AMBRA1: variants seen among roughly 807,000 people sequenced by gnomAD.
AMBRA1 encodes the protein activating molecule in BECN1-regulated autophagy protein 1.
Under a neutral mutation model 125.4 loss-of-function variants are expected in AMBRA1, and 47 were observed. The observed-to-expected ratio is 0.37, with a 90% CI of 0.30 to 0.48. The LOEUF (loss-of-function observed/expected upper bound fraction) is 0.48, where lower values mean the gene tolerates loss of function less well. AMBRA1 is among the 20% of genes least tolerant of loss of function. The pLI, the probability that AMBRA1 is intolerant of heterozygous loss-of-function variation, is 0.99. For missense variants in AMBRA1, 1,331 were observed against 1,693.4 expected (o/e 0.79, Z 3.76); for synonymous variants, 626 against 655.5 (o/e 0.95, Z 0.69).
intron 11 of AMBRA1, among the ~76,000 whole-genome samples, chr11:46,461,994 G>A (rs1276463268): frequency 2.0e-5 from 3 of 152,040 alleles, no homozygotes; most frequent in Non-Finnish European, 4.4e-5. Context: ...CTTCCTCCCT[G>A]CCCTAGTCAA....
Position 46,490,706 on chromosome 11 carries a change from T to C in AMBRA1, c.2521+2902A>G, listed in dbSNP as rs551879162. Among the ~76,000 whole-genome samples the C allele has an allele frequency of 6.6e-5, 10 of 152,292 alleles. No homozygotes were observed. The East Asian group carries it at 1.9e-3, about 29-fold the overall frequency. On this transcript the variant is annotated intron_variant, in intron 11 of 17. Transcript: ENST00000683756. ...CATCCCTGCAAAAAGCCATTCACCA[T>C]GCAAAAGTTCCACTTATGTCTGGAG...
At chr11:46,526,296 G>T (rs1316739572) in intron 7 of AMBRA1, among the ~76,000 whole-genome samples, 5 of 151,920 alleles carry the variant, frequency 3.3e-5, no homozygotes, top group Non-Finnish European at 5.9e-5. Context: ...TGGCTCCAAA[G>T]AAATATCCTC....
intron 9 of AMBRA1, among the ~76,000 whole-genome samples, chr11:46,500,074 G>A (rs754307378): frequency 1.5e-4 from 23 of 152,280 alleles, no homozygotes; most frequent in Admixed American, 7.2e-4. Context: ...GGATGGGAAA[G>A]GGGCCGGCTC....
rs1473555913 is a variant in AMBRA1, at chr11:46,397,812, C to T, written c.3535G>A (p.Gly1179Ser). The stretch of plus-strand genomic sequence containing the variant: ...CGGTGGCTGACGATGATGTTGTTGC[C>T]GAAGCCGCCCATGGAGGCCATGGTG... Reference protein sequence around the residue: ...STTMASMGGFGNNIIVSHRIH... With the variant: ...STTMASMGGFSNNIIVSHRIH... Residue 1179 changes from glycine to serine, a missense_variant, in exon 18 of 18, where the codon GGC becomes AGC. Gly to Ser is a moderately conservative substitution (Grantham distance 56, BLOSUM62 0). Coordinates refer to ENST00000683756, the MANE Select transcript of AMBRA1 (RefSeq NM_001387011.1). The T allele has an allele frequency of 2.5e-6, 4 of 1,606,940 alleles. No homozygotes were observed. Among genetic ancestry groups the T allele is most frequent in the Non-Finnish European group, 3.4e-6 (4 of 1,179,982 alleles).
chr11:46,593,889 G>A lies in AMBRA1; in HGVS notation c.-182C>T. ...GAACGGGCTGAGCCACAGGGAAAAA[G>A]AAAGAGGAGACAGGAATAAAGGAAG... On this transcript the variant is annotated 5_prime_UTR_variant, in exon 1 of 18. Coordinates refer to ENST00000683756, the MANE Select transcript of AMBRA1 (RefSeq NM_001387011.1). 1 of 398,422 alleles carries A rather than the reference G, an allele frequency of 2.5e-6. No homozygotes were observed. The highest frequency in any genetic ancestry group is 4.4e-6 in the Non-Finnish European group (1 of 226,088). The allele number at this position is 398,422 out of a possible 1,614,324, so 24.7% of individuals were successfully genotyped here. A position where few individuals can be genotyped will look rare whatever the true frequency, so the allele number is the denominator to read the frequency against.
At chr11:46,582,558 T>C (rs1024062449) in intron 1 of AMBRA1, among the ~76,000 whole-genome samples, 2 of 152,154 alleles carry the variant, frequency 1.3e-5, no homozygotes, top group African/African-American at 2.4e-5. Context: ...TTAAAGTGTT[T>C]AGTAGTTAAG....
intron 14 of AMBRA1, among the ~76,000 whole-genome samples, chr11:46,427,190 T>C (rs1461099351): frequency 1.3e-5 from 2 of 152,172 alleles, no homozygotes; most frequent in Non-Finnish European, 2.9e-5. Flanking sequence ...GTTATATAAA[T>C]TCTGGTCAGT....
Position 46,542,976 on chromosome 11 carries a change from C to G in AMBRA1, c.1041G>C (p.Glu347Asp). The G allele has an allele frequency of 6.2e-7, 1 of 1,603,468 alleles. No individual in the cohort carries two copies. The highest frequency in any genetic ancestry group is 8.5e-7 in the Non-Finnish European group (1 of 1,179,932). ...AGGCCTGCTCCGGGGGATGGAAGGG[C>G]TCGGTCTGTACAAAAGAAAAGGAAG... ...TTPSFSFVQT[E>D]PFHPPEQASS... Residue 347 changes from glutamate to aspartate, a missense_variant, in exon 7 of 18, where the codon GAG becomes GAC. Glu to Asp is a conservative substitution (Grantham distance 45). Coordinates refer to ENST00000683756, the MANE Select transcript of AMBRA1 (RefSeq NM_001387011.1). The surrounding 1 kb of genome is among the most constrained non-coding windows in gnomAD (Gnocchi z 5.9).
chr11:46,408,011 C>A (rs1037557025), intron 17 of AMBRA1, among the ~76,000 whole-genome samples: 1 of 152,188 alleles, frequency 6.6e-6, no homozygotes, highest in African/African-American at 2.4e-5. Flanking sequence ...GGCAGAGCCA[C>A]ACCTGAAATA....
intron 11 of AMBRA1, among the ~76,000 whole-genome samples, chr11:46,473,190 C>T (rs1949673498): frequency 1.3e-5 from 2 of 152,266 alleles, no homozygotes; most frequent in African/African-American, 4.8e-5. Flanking sequence ...ACAAGTAGTG[C>T]CAAAGGCACT....
At chr11:46,452,177 A>G (rs1948635119) in intron 11 of AMBRA1, among the ~76,000 whole-genome samples, 1 of 152,196 alleles carries the variant, frequency 6.6e-6, no homozygotes, top group African/African-American at 2.4e-5. Flanking sequence ...TTTGTGAAGT[A>G]AAAAATGGTA....
At position 46,538,699 on chromosome 11, in the gene AMBRA1, T is replaced by C. The variant is rs11822248; in HGVS notation, c.2072+3246A>G. Among the ~76,000 whole-genome samples the C allele has an allele frequency of 3.4e-3, 525 of 152,276 alleles. 3 individuals are homozygous for C. The highest frequency in any genetic ancestry group is 0.012 in the African/African-American group (508 of 41,564). The stretch of plus-strand genomic sequence containing the variant: ...TTTTAATAGAGACGCGGTTTTACCA[T>C]GTTAGCCAGGCTGGTCTCGAACTCC... On this transcript the variant is annotated intron_variant, in intron 7 of 17. Coordinates refer to ENST00000683756, the MANE Select transcript of AMBRA1 (RefSeq NM_001387011.1).
intron 1 of AMBRA1, among the ~76,000 whole-genome samples, chr11:46,551,374 G>A (rs1172155101): frequency 1.3e-5 from 2 of 152,058 alleles, no homozygotes; most frequent in Non-Finnish European, 1.5e-5. Context: ...GTGCGATGGT[G>A]CAATCATGGC....
In AMBRA1 at chr11:46,543,070, C is replaced by T; in HGVS notation, c.947G>A (p.Gly316Asp). The T allele has an allele frequency of 6.3e-7, 1 of 1,596,946 alleles. No homozygotes were observed. Among genetic ancestry groups the T allele is most frequent in the Non-Finnish European group, 8.5e-7 (1 of 1,178,788 alleles). Residue 316 changes from glycine (G) to aspartate (D), a missense_variant, in exon 7 of 18, where the codon GGC (glycine) becomes GAC (aspartate). Gly to Asp is a moderately conservative substitution (Grantham distance 94). Coordinates refer to ENST00000683756, the MANE Select transcript of AMBRA1 (RefSeq NM_001387011.1). The stretch of plus-strand genomic sequence containing the variant: ...TGGCAAGAGGGAAGGAACTCGAGTG[C>T]CAGAGCAGCGGCTGCAAAGGCACAG... ...GILCLCSRCSGTRVPSLLPHQ... is the reference protein window; with the variant it reads ...GILCLCSRCSDTRVPSLLPHQ...
intron 7 of AMBRA1, among the ~76,000 whole-genome samples, chr11:46,532,801 A>C (rs2135135125): frequency 6.6e-6 from 1 of 152,354 alleles, no homozygotes; most frequent in East Asian, 1.9e-4. Context: ...AATAAGAAAT[A>C]CTTTATATAT....
rs984902035 is a variant in AMBRA1, at chr11:46,418,025, G to A, written c.3004C>T (p.Pro1002Ser). 2 of 1,605,898 alleles carry A rather than the reference G, an allele frequency of 1.2e-6. No individual in the cohort carries two copies. The highest frequency in any genetic ancestry group is 1.7e-6 in the Non-Finnish European group (2 of 1,174,362). The change falls in exon 15 of 18, where the codon CCT becomes TCT. Residue 1002 changes from proline (P) to serine (S), a missense_variant. By Grantham distance (74) the Pro-to-Ser change is moderately conservative. Around this residue, in one of 4 missense-constraint regions of AMBRA1, gnomAD observed 354 missense variants for 532.7 expected, o/e 0.66. Coordinates refer to ENST00000683756, the MANE Select transcript of AMBRA1 (RefSeq NM_001387011.1). The part of the protein sequence containing the change: ...RRVFNVLYPM[P>S]ADQRRHVSIN... Reference sequence around the variant, plus strand: ...CTGACATGTCTCCGCTGGTCGGCAGGCATGGGATAAAGGACGTTGAAAACT... The same window carrying A: ...CTGACATGTCTCCGCTGGTCGGCAGACATGGGATAAAGGACGTTGAAAACT...
At position 46,503,502 on chromosome 11, in the gene AMBRA1, G is replaced by A. The variant is rs534651646; in HGVS notation, c.2339+4689C>T. On this transcript the variant is annotated intron_variant, in intron 9 of 17. Transcript: ENST00000683756. ...ATCTGAAATACTGCAAGAATTACCA[G>A]TGTGACAGACAGACACAAAATGAGC... Among the ~76,000 whole-genome samples, 4 of 152,306 alleles carry A rather than the reference G, an allele frequency of 2.6e-5. No homozygotes were observed. In the South Asian group the frequency reaches 6.2e-4, roughly 24 times the overall value.
rs146415794 is a variant in AMBRA1 at position 46,433,509 on chromosome 11, G to A, written c.2941C>T (p.Leu981=). 55 of 1,614,082 alleles carry A rather than the reference G, an allele frequency of 3.4e-5. No individual in the cohort carries two copies. The African/African-American group carries it at 7.1e-4, about 21-fold the overall frequency. ...TEHMVAQVFR[L]QQAHGGETSM... is the part of the protein sequence containing the mutation. ...GTCTCTCCACCATGGGCCTGTTGCA[G>A]CCTGAAGACCTGGGCCACCATGTGC... The change falls in exon 14 of 18, where the codon CTG becomes TTG. Residue 981 remains leucine, a synonymous_variant. Transcript: ENST00000683756.
chr11:46,475,403 A>G (rs1312014781), intron 11 of AMBRA1, among the ~76,000 whole-genome samples: 1 of 152,248 alleles, frequency 6.6e-6, no homozygotes, highest in Non-Finnish European at 1.5e-5. Flanking sequence ...GGAACAGACA[A>G]GCATACATTT....
Sources: allele counts gnomAD v4.1 joint callset (sites outside exome capture counted in the v4.1 genomes callset), GRCh38; gene constraint gnomAD v4.1.1; regional missense constraint gnomAD v4.1.1; non-coding constraint Gnocchi (gnomAD v3.1); transcripts MANE v1.5; gene names NCBI Gene and HGNC (gene_info 2026-07-23, HGNC 2026-07-21).